The following PPP1R9A variants were observed in gnomAD, a reference collection of about 807,000 sequenced individuals.
PPP1R9A encodes neurabin-1.
In PPP1R9A, 59 loss-of-function variants were observed where a neutral mutation model predicts 141.9. The ratio of observed to expected loss-of-function variants is 0.42; its 90% CI spans 0.34 to 0.52. The LOEUF (loss-of-function observed/expected upper bound fraction) is 0.52, where lower values mean the gene tolerates loss of function less well. Ranked by LOEUF, PPP1R9A falls within the 20% of genes least tolerant of loss-of-function variation. The probability of loss-of-function intolerance (pLI) is 0.10; values close to 1 mark genes in which losing one functional copy is unlikely to be tolerated. For synonymous variants in PPP1R9A, 500 were observed against 569.7 expected (o/e 0.88, Z 1.74); for missense variants, 1,444 against 1,611.9 (o/e 0.90, Z 1.78).
chr7:94,949,509 C>G (rs1280791597), intron 2 of PPP1R9A, among the ~76,000 whole-genome samples: 3 of 152,016 alleles, frequency 2.0e-5, no homozygotes, highest in Admixed American at 1.3e-4. Context: ...GTTGTGGCCC[C>G]CATATAAAAC....
Position 95,256,000 on chromosome 7 carries a change from C to T in PPP1R9A, c.2665+3870C>T, listed in dbSNP as rs146849153. On this transcript the variant is annotated intron_variant, in intron 12 of 19. Transcript: ENST00000433360. The stretch of plus-strand genomic sequence containing the variant: ...AGTGCTGCTTCATTTCATTTTCACA[C>T]CTACCTACTCAGTGAGTGGACCACC... Among the ~76,000 whole-genome samples the T allele has an allele frequency of 9.3e-4, 141 of 152,194 alleles. 4 individuals carry two copies. Among genetic ancestry groups the T allele is most frequent in the Admixed American group, 5.8e-3 (88 of 15,262 alleles).
At chr7:94,944,897 C>G (rs1451456394) in intron 2 of PPP1R9A, among the ~76,000 whole-genome samples, 1 of 151,866 alleles carries the variant, frequency 6.6e-6, no homozygotes, top group Non-Finnish European at 1.5e-5. Flanking sequence ...GATTCCAAGT[C>G]CAGATTCACC....
chr7:95,034,257 G>A (rs1465663772), intron 2 of PPP1R9A, among the ~76,000 whole-genome samples: 1 of 151,380 alleles, frequency 6.6e-6, no homozygotes, highest in Non-Finnish European at 1.5e-5. Flanking sequence ...AAGATTTCTG[G>A]TATACAAGAT....
intron 8 of PPP1R9A, among the ~76,000 whole-genome samples, chr7:95,246,044 C>T (rs1053039340): frequency 4.6e-5 from 7 of 152,144 alleles, no homozygotes; most frequent in African/African-American, 1.4e-4. Flanking sequence ...ATGCCTTTTG[C>T]ATAACAGGAG....
At chr7:94,997,748 T>C (rs1465947121) in intron 2 of PPP1R9A, among the ~76,000 whole-genome samples, 2 of 152,130 alleles carry the variant, frequency 1.3e-5, no homozygotes, top group African/African-American at 4.8e-5. Flanking sequence ...CTGGAGTTTT[T>C]CTCTGCCAAG....
At chr7:95,145,982 G>A (rs989383478) in intron 4 of PPP1R9A, among the ~76,000 whole-genome samples, 1 of 152,190 alleles carries the variant, frequency 6.6e-6, no homozygotes, top group Non-Finnish European at 1.5e-5. Flanking sequence ...TGTCTTTACA[G>A]TAGAATGATT....
At chr7:95,098,610 T>G (rs1171412376) in intron 2 of PPP1R9A, among the ~76,000 whole-genome samples, 1 of 152,170 alleles carries the variant, frequency 6.6e-6, no homozygotes, top group African/African-American at 2.4e-5. Flanking sequence ...GGTAAATGTA[T>G]GTACGGTTCC....
chr7:95,082,954 A>G (rs1035858211), intron 2 of PPP1R9A, among the ~76,000 whole-genome samples: 3 of 151,218 alleles, frequency 2.0e-5, no homozygotes, highest in African/African-American at 7.3e-5. Flanking sequence ...ACGGGGTTTC[A>G]CCGTGTTAGC....
intron 2 of PPP1R9A, among the ~76,000 whole-genome samples, chr7:94,964,171 T>TTTTA (rs1411721876): frequency 6.6e-6 from 1 of 152,144 alleles, no homozygotes; most frequent in African/African-American, 2.4e-5. Flanking sequence ...CTGTACCATA[T>TTTTA]TTTATTTATC....
rs1026350395 is a variant in PPP1R9A at position 95,290,703 on chromosome 7, A to G, written c.*400A>G. 1.9e-5 allele frequency: 4 copies of G among 207,826 alleles called. No homozygotes were observed. The highest frequency in any genetic ancestry group is 9.2e-5 in the African/African-American group (4 of 43,430). The allele number at this position is 207,826 out of a possible 1,614,324, so 12.9% of individuals were successfully genotyped here. ...TTCAGTGTGGGATCCTGAAATGGCA[A>G]TTGCACATGTCTGCATGGCAGAGAG... On this transcript the variant is annotated 3_prime_UTR_variant, in exon 20 of 20. Transcript: ENST00000433360.
chr7:95,163,107 A>T (rs1830676755), intron 5 of PPP1R9A, among the ~76,000 whole-genome samples: 1 of 152,212 alleles, frequency 6.6e-6, no homozygotes, highest in Admixed American at 6.5e-5. Flanking sequence ...TTGGTTTTGA[A>T]GCTGTCCATT....
chr7:95,161,813 C>T, intron 4 of PPP1R9A, 54 bp from the exon 5 acceptor site: 1 of 1,172,820 alleles, frequency 8.5e-7, no homozygotes, highest in Non-Finnish European at 1.2e-6. Context: ...ATGATTATTA[C>T]ATAAATTAAT....
chr7:94,929,385 C>T (rs557428769), intron 2 of PPP1R9A, among the ~76,000 whole-genome samples: 1 of 152,176 alleles, frequency 6.6e-6, no homozygotes, highest in East Asian at 1.9e-4. Flanking sequence ...CCAGGAAACT[C>T]CTGGGAGAAG....
rs569543375 is a variant in PPP1R9A at position 95,057,810 on chromosome 7, G to A, written c.1396-53449G>A. Among the ~76,000 whole-genome samples, 30 of 152,132 alleles carry A rather than the reference G, an allele frequency of 2.0e-4. No homozygotes were observed. The South Asian group carries it at 5.6e-3, about 28-fold the overall frequency. On this transcript the variant is annotated intron_variant, in intron 2 of 19. Coordinates refer to ENST00000433360, the MANE Select transcript of PPP1R9A (RefSeq NM_001166160.2). Reference sequence around the variant, plus strand: ...TGCCCTTTCAGTATAGTATTGAAGAGGAATTCATTATATTGAATGAATGTT... The same window carrying A: ...TGCCCTTTCAGTATAGTATTGAAGAAGAATTCATTATATTGAATGAATGTT...
chr7:94,957,621 T>C (rs1022398618), intron 2 of PPP1R9A, among the ~76,000 whole-genome samples: 7 of 152,066 alleles, frequency 4.6e-5, no homozygotes, highest in Admixed American at 2.0e-4. Flanking sequence ...TTTGAAATTA[T>C]AGGATTTGGG....
At chr7:95,228,733 A>G (rs1257397521) in intron 8 of PPP1R9A, among the ~76,000 whole-genome samples, 7 of 152,222 alleles carry the variant, frequency 4.6e-5, no homozygotes, top group Non-Finnish European at 1.0e-4. Flanking sequence ...ATGTTAAACT[A>G]GTAAATTTCT....
chr7:95,018,018 T>C (rs1805350844), intron 2 of PPP1R9A: 2 of 153,016 alleles, frequency 1.3e-5, no homozygotes, highest in Admixed American at 1.3e-4. Context: ...CAATAGCTTA[T>C]TATGTATGGG....
rs186288645 is a variant in PPP1R9A at position 94,985,470 on chromosome 7, A to G, written c.1395+73962A>G. ...TGTGTGGGAGTGTAAGTCTCTTTTT[A>G]GATCTCTCAGGACTTACCTTATGAA... On this transcript the variant is annotated intron_variant, in intron 2 of 19. Transcript: ENST00000433360. Among the ~76,000 whole-genome samples, 542 of 152,212 alleles carry G rather than the reference A, an allele frequency of 3.6e-3. 5 individuals carry two copies. The highest frequency in any genetic ancestry group is 0.012 in the African/African-American group (516 of 41,534).
intron 4 of PPP1R9A, among the ~76,000 whole-genome samples, chr7:95,160,092 T>G (rs1468660659): frequency 6.6e-6 from 1 of 151,648 alleles, no homozygotes; most frequent in East Asian, 1.9e-4. Context: ...ATGATATATA[T>G]AAAATATATA....
Sources: allele counts gnomAD v4.1 joint callset (sites outside exome capture counted in the v4.1 genomes callset), GRCh38; gene constraint gnomAD v4.1.1; transcripts MANE v1.5; gene names NCBI Gene and HGNC (gene_info 2026-07-23, HGNC 2026-07-21).